THTPA: variants seen among roughly 807,000 people sequenced by gnomAD.
The protein encoded by THTPA is thiamine triphosphatase.
In THTPA, 16 loss-of-function variants were observed where a neutral mutation model predicts 16.5. The observed-to-expected ratio is 0.97, with a 90% CI of 0.66 to 1.47. The LOEUF (loss-of-function observed/expected upper bound fraction) is 1.47. Among genes scored for constraint, THTPA ranks in the 40% most tolerant of loss-of-function variants. The pLI is 0.00. For missense variants in THTPA, 281 were observed against 280.9 expected (o/e 1.00, Z 0.00); for synonymous variants, 110 against 115.5 (o/e 0.95, Z 0.30).
At chr14:23,535,520 C>T in the THTPA span, 239 of 478,624 alleles carry the variant, frequency 5.0e-4, 3 homozygotes, top group East Asian at 7.9e-3. This position sits in a 1 kb window ranked among gnomAD's most constrained non-coding sequence, Gnocchi z 4.5. Context: ...CACTTAGTGT[C>T]TAACATGCTT....
At chr14:23,541,260 C>T in the THTPA span, among the ~76,000 whole-genome samples, 1 of 151,248 alleles carries the variant, frequency 6.6e-6, no homozygotes, top group Non-Finnish European at 1.5e-5. Context: ...CCCTTTTCAA[C>T]TGAGGGCAGA....
the THTPA span, chr14:23,525,356 G>C: frequency 6.5e-7 from 1 of 1,536,042 alleles, no homozygotes; most frequent in Non-Finnish European, 8.7e-7. The surrounding 1 kb of genome is among the most constrained non-coding windows in gnomAD (Gnocchi z 5.9). Flanking sequence ...CTCTGCAAGG[G>C]GCGGGTATAG....
chr14:23,527,892 C>T, the THTPA span: 2 of 1,122,538 alleles, frequency 1.8e-6, no homozygotes, highest in Non-Finnish European at 2.5e-6. Flanking sequence ...CACTGGCCCG[C>T]CCCCACTCCT....
the THTPA span, chr14:23,543,882 T>G: frequency 6.6e-6 from 1 of 151,976 alleles, no homozygotes; most frequent in Non-Finnish European, 1.5e-5. Flanking sequence ...CAGACAGACC[T>G]GGAATCAAAT....
the THTPA span, chr14:23,538,119 A>G: frequency 2.0e-5 from 3 of 152,264 alleles, no homozygotes; most frequent in Non-Finnish European, 4.4e-5. Context: ...AGAACTGGAA[A>G]AAGACATAGC....
At chr14:23,555,787 C>T (rs1042936157), upstream of THTPA, 1 of 152,336 alleles carries the variant, frequency 6.6e-6, no homozygotes, top group African/African-American at 2.4e-5. Context: ...TATTCCAGGC[C>T]CATCTGCCTG....
chr14:23,537,110 C>T, the THTPA span, among the ~76,000 whole-genome samples: 1 of 151,680 alleles, frequency 6.6e-6, no homozygotes, highest in Admixed American at 6.6e-5. Context: ...ATCGGGACTG[C>T]ACCATCGTAC....
the THTPA span, chr14:23,534,859 G>T: frequency 6.5e-7 from 1 of 1,536,104 alleles, no homozygotes; most frequent in Non-Finnish European, 8.7e-7. This position sits in a 1 kb window ranked among gnomAD's most constrained non-coding sequence, Gnocchi z 4.5. Context: ...GGCAAGGAAG[G>T]GCAGACTGGG....
the THTPA span, chr14:23,548,363 A>G: frequency 6.6e-6 from 1 of 152,212 alleles, no homozygotes; most frequent in Non-Finnish European, 1.5e-5. Flanking sequence ...GGCAAGGTCA[A>G]GCTACCAGAG....
the THTPA span, among the ~76,000 whole-genome samples, chr14:23,518,041 T>C: frequency 6.6e-6 from 1 of 152,324 alleles, no homozygotes; most frequent in East Asian, 1.9e-4. The surrounding 1 kb of genome is among the most constrained non-coding windows in gnomAD (Gnocchi z 4.5). Context: ...GGAGTATAGG[T>C]CATGGGTCTT....
chr14:23,535,142 C>T, the THTPA span: 1 of 1,536,086 alleles, frequency 6.5e-7, no homozygotes, highest in Non-Finnish European at 8.7e-7. The surrounding 1 kb of genome is among the most constrained non-coding windows in gnomAD (Gnocchi z 4.5). Flanking sequence ...CAGCCCGACT[C>T]CAGGAGCTGT....
chr14:23,559,354 T>C lies in THTPA; in HGVS notation c.*514T>C, dbSNP rs1409929404. On this transcript the variant is annotated 3_prime_UTR_variant, in exon 2 of 2. Coordinates refer to ENST00000288014, the MANE Select transcript of THTPA (RefSeq NM_024328.6). Reference sequence around the variant, plus strand: ...CTGACTTTGCCACTGTGCCCAGCTCTGGCCCAGAGGGTAGAGTGCCTCCTG... The same window carrying C: ...CTGACTTTGCCACTGTGCCCAGCTCCGGCCCAGAGGGTAGAGTGCCTCCTG... The C allele has an allele frequency of 7.6e-6, 2 of 262,380 alleles. No homozygotes were observed. The highest frequency in any genetic ancestry group is 1.5e-5 in the Non-Finnish European group (2 of 133,902). The allele number at this position is 262,380 out of a possible 1,614,324, so 16.3% of individuals were successfully genotyped here. A position where few individuals can be genotyped will look rare whatever the true frequency, so the allele number is the denominator to read the frequency against.
upstream of THTPA, among the ~76,000 whole-genome samples, chr14:23,553,928 G>A (rs149539527): frequency 6.6e-6 from 1 of 151,854 alleles, no homozygotes; most frequent in East Asian, 1.9e-4. Flanking sequence ...GGAGGGTGGG[G>A]TGGCACGTGC....
chr14:23,539,976 G>A, the THTPA span, among the ~76,000 whole-genome samples: 4 of 152,142 alleles, frequency 2.6e-5, no homozygotes, highest in African/African-American at 9.7e-5. Context: ...TTCACATCAG[G>A]GCCTTCCAAA....
chr14:23,520,459 G>C, the THTPA span, among the ~76,000 whole-genome samples: 1,244 of 152,236 alleles, frequency 8.2e-3, 21 homozygotes, highest in African/African-American at 0.028. The surrounding 1 kb of genome is among the most constrained non-coding windows in gnomAD (Gnocchi z 8.7). Flanking sequence ...GGAGATGAAA[G>C]AGAAGCAGAT....
chr14:23,523,524 G>C, the THTPA span: 3 of 1,536,570 alleles, frequency 2.0e-6, no homozygotes, highest in Non-Finnish European at 2.6e-6. This position sits in a 1 kb window ranked among gnomAD's most constrained non-coding sequence, Gnocchi z 4.1. Flanking sequence ...GCTGCTAAGA[G>C]GCCCTCACTG....
chr14:23,530,461 C>T, the THTPA span: 6 of 644,260 alleles, frequency 9.3e-6, no homozygotes, highest in African/African-American at 1.8e-5. Context: ...CAGCAGTAGA[C>T]AGCAGAAACA....
At chr14:23,522,407 C>T in the THTPA span, 3 of 1,536,304 alleles carry the variant, frequency 2.0e-6, no homozygotes, top group South Asian at 1.2e-5. Context: ...TTCCCCCTCC[C>T]CTGGAGCAGG....
At chr14:23,527,838 C>T in the THTPA span, 1 of 1,522,238 alleles carries the variant, frequency 6.6e-7, no homozygotes, top group Non-Finnish European at 8.8e-7. Flanking sequence ...GACGAAGTGT[C>T]AGGGAAGGAT....
Sources: gnomAD v4.1 joint callset for allele counts (sites outside exome capture counted in the v4.1 genomes callset) on GRCh38, gnomAD v4.1.1 for gene constraint, Gnocchi (gnomAD v3.1) non-coding constraint, MANE v1.5 for transcripts, NCBI Gene and HGNC (gene_info 2026-07-23, HGNC 2026-07-21) for gene names.